HECTD4: variants seen among roughly 807,000 people sequenced by gnomAD.
HECTD4 encodes the protein HECT domain E3 ubiquitin protein ligase 4, also known as probable E3 ubiquitin-protein ligase HECTD4.
HECTD4 carries 114 observed loss-of-function variants against 471.5 expected under a neutral mutation model. The observed-to-expected ratio is 0.24, with a 90% confidence interval of 0.21 to 0.28. The LOEUF (loss-of-function observed/expected upper bound fraction) is 0.28. Among genes scored for constraint, HECTD4 ranks in the 10% least tolerant of loss-of-function variants. The pLI is 1.00. For missense variants in HECTD4, 3,866 were observed against 5,651.5 expected (o/e 0.68, Z 10.13); for synonymous variants, 2,012 against 2,256.0 (o/e 0.89, Z 3.07).
Position 112,162,029 on chromosome 12 carries a change from C to G in HECTD4, c.*358G>C, listed in dbSNP as rs757856913. 1 of 200,408 alleles carries G rather than the reference C, an allele frequency of 5.0e-6. No individual in the cohort carries two copies. Among genetic ancestry groups the G allele is most frequent in the African/African-American group, 2.3e-5 (1 of 43,128 alleles). The allele number at this position is 200,408 out of a possible 1,614,324, so 12.4% of individuals were successfully genotyped here. ...TCTGTGTGGCCGAGGTCATTGTACC[C>G]CCGGCTTCCTGCTGGGTGGTTCTGT... On this transcript the variant is annotated 3_prime_UTR_variant, in exon 76 of 76. Coordinates refer to ENST00000682272, the MANE Select transcript of HECTD4 (RefSeq NM_001388303.1). This position sits in a 1 kb window ranked among gnomAD's most constrained non-coding sequence, Gnocchi z 5.2.
At chr12:112,187,814 G>C (rs1304616882) in intron 60 of HECTD4, among the ~76,000 whole-genome samples, 1 of 148,890 alleles carries the variant, frequency 6.7e-6, no homozygotes, top group African/African-American at 2.5e-5. Context: ...TTTTAGTAGA[G>C]ACACGGTTTC....
intron 72 of HECTD4, among the ~76,000 whole-genome samples, chr12:112,165,347 T>C (rs560593482): frequency 7.0e-6 from 1 of 143,334 alleles, no homozygotes; most frequent in Admixed American, 7.1e-5. Context: ...TAAGAGCAAC[T>C]AATTTTTTTT....
chr12:112,203,625 T>C lies in HECTD4; in HGVS notation c.8406+11A>G. On this transcript the variant is annotated intron_variant, in intron 54 of 75. Transcript: ENST00000682272. Reference sequence around the variant, plus strand: ...AAAATAGCTTATTAATCAGAATGGCTGTTCACTCACTGAATCAACATCTAA... The same window carrying C: ...AAAATAGCTTATTAATCAGAATGGCCGTTCACTCACTGAATCAACATCTAA... 6.2e-7 allele frequency: 1 copy of C among 1,610,940 alleles called. No individual in the cohort carries two copies. The highest frequency in any genetic ancestry group is 8.5e-7 in the Non-Finnish European group (1 of 1,178,158).
intron 66 of HECTD4, among the ~76,000 whole-genome samples, chr12:112,175,357 G>T (rs2031398407): frequency 6.6e-6 from 1 of 152,228 alleles, no homozygotes; most frequent in African/African-American, 2.4e-5. Flanking sequence ...TGAGGACCTT[G>T]AGAAGGTGGC....
intron 1 of HECTD4, among the ~76,000 whole-genome samples, chr12:112,355,888 G>A (rs938803248): frequency 2.6e-5 from 4 of 152,178 alleles, no homozygotes; most frequent in Admixed American, 2.6e-4. Context: ...GAAGCAAAAA[G>A]CAATCCCTTC....
At position 112,178,973 on chromosome 12, in the gene HECTD4, G is replaced by T; in HGVS notation, c.11321C>A (p.Thr3774Asn). Residue 3774 changes from threonine (T) to asparagine (N), a missense_variant, in exon 64 of 76, where the codon ACC (threonine) becomes AAC (asparagine). Thr to Asn is a moderately conservative substitution (Grantham distance 65). This residue lies in a region of HECTD4 where 715 missense variants were observed against 1,087.6 expected (regional missense o/e 0.66). Transcript: ENST00000682272. Reference sequence around the variant, plus strand: ...AGCCTTGTCCTTGGCGGGCGGCTTGGTGATAGGCCGCTTGGTGCTCACCAC... The same window carrying T: ...AGCCTTGTCCTTGGCGGGCGGCTTGTTGATAGGCCGCTTGGTGCTCACCAC... ...VKVVSTKRPI[T>N]KPPAKDKAVL... The T allele has an allele frequency of 6.2e-7, 1 of 1,612,956 alleles. No individual in the cohort carries two copies. The highest frequency in any genetic ancestry group is 1.1e-5 in the South Asian group (1 of 90,934).
chr12:112,377,999 T>C (rs1343707139), intron 1 of HECTD4, among the ~76,000 whole-genome samples: 1 of 152,194 alleles, frequency 6.6e-6, no homozygotes, highest in African/African-American at 2.4e-5. Flanking sequence ...GATTCTTTCT[T>C]TAGATTGACT....
At chr12:112,284,350 G>T (rs1291633184) in intron 7 of HECTD4, among the ~76,000 whole-genome samples, 1 of 152,170 alleles carries the variant, frequency 6.6e-6, no homozygotes, top group Non-Finnish European at 1.5e-5. Flanking sequence ...GCAAAGACAG[G>T]CAGGACTGGC....
rs1340941157 is a variant in HECTD4 at position 112,160,441 on chromosome 12, TAATA to T, written c.*1942_*1945del. ...TGTTAAATGCAACCATAAATAATTA[TAATA>T]AATATACATCAAGTAACTTTACAGC... On this transcript the variant is annotated 3_prime_UTR_variant, in exon 76 of 76. Coordinates refer to ENST00000682272, the MANE Select transcript of HECTD4 (RefSeq NM_001388303.1). 1 of 152,218 alleles carries T rather than the reference TAATA, an allele frequency of 6.6e-6. No individual in the cohort carries two copies. Among genetic ancestry groups the T allele is most frequent in the Admixed American group, 6.5e-5 (1 of 15,278 alleles). 9.4% of individuals were successfully genotyped at this position (152,218 alleles called of 1,614,324 possible). A position where few individuals can be genotyped will look rare whatever the true frequency, so the allele number is the denominator to read the frequency against.
chr12:112,336,013 G>GA lies in HECTD4; in HGVS notation c.178-16272dup, dbSNP rs537361198. ...ACCATCACCCATGAAGAAGTCTTGGGAAAAAAAAAAATCAAACCTGAGTGG... is the reference window on the plus strand; with the variant it reads ...ACCATCACCCATGAAGAAGTCTTGGGAAAAAAAAAAAATCAAACCTGAGTGG... On this transcript the variant is annotated intron_variant, in intron 1 of 75. Coordinates refer to ENST00000682272, the MANE Select transcript of HECTD4 (RefSeq NM_001388303.1). Among the ~76,000 whole-genome samples, 330 of 141,488 alleles carry GA rather than the reference G, an allele frequency of 2.3e-3. 1 individual carries two copies. The highest frequency in any genetic ancestry group is 0.011 in the South Asian group (50 of 4,526). The allele number at this position is 141,488 out of a possible 152,430, so 92.8% of individuals were successfully genotyped here.
chr12:112,223,786 T>C (rs951212840), intron 44 of HECTD4, among the ~76,000 whole-genome samples: 2 of 152,206 alleles, frequency 1.3e-5, no homozygotes, highest in African/African-American at 2.4e-5. Context: ...TGGAATCTGG[T>C]ACTGTCTTCT....
chr12:112,260,391 G>A (rs1431446844), intron 18 of HECTD4, among the ~76,000 whole-genome samples: 27 of 152,072 alleles, frequency 1.8e-4, no homozygotes, highest in Admixed American at 1.8e-3. Flanking sequence ...GCCTATCTGG[G>A]TTATACTGTT....
chr12:112,247,453 A>G lies in HECTD4; in HGVS notation c.4337+9T>C. The G allele has an allele frequency of 7.1e-7, 1 of 1,416,068 alleles. No homozygotes were observed. The highest frequency in any genetic ancestry group is 1.4e-5 in the South Asian group (1 of 73,482). 87.7% of individuals were successfully genotyped at this position (1,416,068 alleles called of 1,614,324 possible). A position where few individuals can be genotyped will look rare whatever the true frequency, so the allele number is the denominator to read the frequency against. ...GATAATAGCCTTAATAGTTATTAATACGACTAACCTCAGTGATAGGACCAT... is the reference window on the plus strand; with the variant it reads ...GATAATAGCCTTAATAGTTATTAATGCGACTAACCTCAGTGATAGGACCAT... On this transcript the variant is annotated intron_variant, in intron 28 of 75. Transcript: ENST00000682272.
intron 19 of HECTD4, 30 bp from the exon 20 acceptor site, chr12:112,258,626 C>T: frequency 6.4e-7 from 1 of 1,552,590 alleles, no homozygotes; most frequent in Non-Finnish European, 8.7e-7. Context: ...TTATGTCTTC[C>T]AGGGCTACTG....
At position 112,282,107 on chromosome 12, in the gene HECTD4, G is replaced by C. The variant is rs145427494; in HGVS notation, c.1528+1003C>G. 5.0e-4 allele frequency among the ~76,000 whole-genome samples: 76 copies of C among 152,238 alleles called. 2 individuals are homozygous for C. The East Asian group carries it at 0.014, about 27-fold the overall frequency. ...CTACTTTAAAAGTGCAGAACAGCCA[G>C]GCGCGGTGGCTCACGCCTGTAATCC... On this transcript the variant is annotated intron_variant, in intron 8 of 75. Transcript: ENST00000682272.
rs2036906920 is a variant in HECTD4 at position 112,382,115 on chromosome 12, G to A, written c.14C>T (p.Ala5Val). 1.2e-5 allele frequency: 15 copies of A among 1,219,156 alleles called. No individual in the cohort carries two copies. The highest frequency in any genetic ancestry group is 1.6e-5 in the African/African-American group (1 of 61,682). The allele number at this position is 1,219,156 out of a possible 1,614,324, so 75.5% of individuals were successfully genotyped here. The change falls in exon 1 of 76, where the codon GCG (alanine) becomes GTG (valine). Residue 5 changes from alanine (A) to valine (V), a missense_variant. Ala to Val is a moderately conservative substitution (Grantham distance 64). Coordinates refer to ENST00000682272, the MANE Select transcript of HECTD4 (RefSeq NM_001388303.1). ...CGCCGCCGCCGCCGCCGCCGCGGCC[G>A]CCGACGAGCCCATGGCCCCGGCTGA... MGSSAAAAAAAAAAA... is the reference protein window; with the variant it reads MGSSVAAAAAAAAAA...
At chr12:112,260,120 A>C (rs2034110483) in intron 18 of HECTD4, among the ~76,000 whole-genome samples, 2 of 151,498 alleles carry the variant, frequency 1.3e-5, no homozygotes, top group Non-Finnish European at 2.9e-5. Flanking sequence ...ATAACTCCTC[A>C]TTTTCCCCTT....
intron 1 of HECTD4, among the ~76,000 whole-genome samples, chr12:112,358,200 C>T (rs1264722380): frequency 2.6e-5 from 4 of 151,704 alleles, no homozygotes; most frequent in Non-Finnish European, 5.9e-5. Context: ...AAGATTCTGT[C>T]TCAAAAAAAA....
At chr12:112,274,661 C>T (rs1036430655) in intron 10 of HECTD4, among the ~76,000 whole-genome samples, 186 bp downstream of exon 10, 1 of 152,124 alleles carries the variant, frequency 6.6e-6, no homozygotes, top group African/African-American at 2.4e-5. Context: ...GAGCCAAGAT[C>T]GTAACACTTC....
Sources: gnomAD v4.1 joint callset for allele counts (sites outside exome capture counted in the v4.1 genomes callset) on GRCh38, gnomAD v4.1.1 for gene constraint, gnomAD v4.1.1 regional missense constraint, Gnocchi (gnomAD v3.1) non-coding constraint, MANE v1.5 for transcripts, NCBI Gene and HGNC (gene_info 2026-07-23, HGNC 2026-07-21) for gene names.